The following BRSK2 variants were observed in gnomAD, a reference collection of about 807,000 sequenced individuals.
BRSK2 encodes the protein serine/threonine-protein kinase BRSK2.
In BRSK2, 19 loss-of-function variants were observed where a neutral mutation model predicts 83.3. The ratio of observed to expected loss-of-function variants is 0.23; its 90% CI spans 0.16 to 0.33. BRSK2 has a LOEUF of 0.33. Ranked by LOEUF, BRSK2 falls within the 10% of genes least tolerant of loss-of-function variation. BRSK2 has a pLI of 1.00. For missense variants in BRSK2, 798 were observed against 1,042.3 expected (o/e 0.77, Z 3.23); for synonymous variants, 519 against 435.4 (o/e 1.19, Z -2.39).
chr11:1,444,509 G>C (rs751500301), intron 8 of BRSK2, among the ~76,000 whole-genome samples: 2 of 152,016 alleles, frequency 1.3e-5, no homozygotes, highest in Non-Finnish European at 2.9e-5. Context: ...CTGCCCCGCC[G>C]CACAGGTGGG....
chr11:1,401,887 G>A (rs1323532899), intron 1 of BRSK2, among the ~76,000 whole-genome samples: 1 of 152,250 alleles, frequency 6.6e-6, no homozygotes, highest in Non-Finnish European at 1.5e-5. Flanking sequence ...GAAGCTATGT[G>A]AGGGCCGGTG....
intron 1 of BRSK2, among the ~76,000 whole-genome samples, chr11:1,398,397 CG>C (rs1236332171): frequency 6.6e-6 from 1 of 152,102 alleles, no homozygotes; most frequent in African/African-American, 2.4e-5. Context: ...TTATCTTGTG[CG>C]GACAGAGGTA....
chr11:1,433,334 C>T (rs565233613), intron 1 of BRSK2, among the ~76,000 whole-genome samples: 9 of 152,370 alleles, frequency 5.9e-5, no homozygotes, highest in African/African-American at 2.2e-4. Flanking sequence ...CCCCTGCACC[C>T]TCATGATGCC....
rs112478333 is a variant in BRSK2 at position 1,455,774 on chromosome 11, C to T, written c.1669-574C>T. Among the ~76,000 whole-genome samples the T allele has an allele frequency of 5.6e-3, 849 of 151,942 alleles. 6 individuals are homozygous for T. The highest frequency in any genetic ancestry group is 0.019 in the African/African-American group (782 of 41,450). On this transcript the variant is annotated intron_variant, in intron 16 of 19. Transcript: ENST00000528841. ...CCTCCCCATGCCGGCCCCAGTGAGGCGGCTGTGTGCCAGCCTGGGCCCTGT... is the reference window on the plus strand; with the variant it reads ...CCTCCCCATGCCGGCCCCAGTGAGGTGGCTGTGTGCCAGCCTGGGCCCTGT...
rs1205005169 is a variant in BRSK2, at chr11:1,440,710, C to T, written c.273-78C>T. 3.0e-5 allele frequency: 45 copies of T among 1,492,250 alleles called. No individual in the cohort carries two copies. In the East Asian group the frequency reaches 6.5e-4, roughly 21 times the overall value. 92.4% of individuals were successfully genotyped at this position (1,492,250 alleles called of 1,614,324 possible). On this transcript the variant is annotated intron_variant, in intron 3 of 19. Transcript: ENST00000528841. The stretch of plus-strand genomic sequence containing the variant: ...CCTGCAGAGAGGCTGGGCCAGGAGG[C>T]GGCTGTGGGAGGCCCTGGGATGAGG...
chr11:1,398,436 G>A (rs1308172010), intron 1 of BRSK2, among the ~76,000 whole-genome samples: 5 of 152,160 alleles, frequency 3.3e-5, no homozygotes, highest in Non-Finnish European at 5.9e-5. Flanking sequence ...CCCGGGAAGG[G>A]TGGTGGCCAG....
At chr11:1,449,257 C>T (rs1045018743) in intron 12 of BRSK2, among the ~76,000 whole-genome samples, 9 of 152,244 alleles carry the variant, frequency 5.9e-5, no homozygotes, top group Admixed American at 2.0e-4. Context: ...CCCAGCCTGG[C>T]CCTGCCCAGG....
Position 1,438,027 on chromosome 11 carries a change from A to G in BRSK2, c.187-279A>G, listed in dbSNP as rs142023829. Among the ~76,000 whole-genome samples the G allele has an allele frequency of 0.016, 2,373 of 148,738 alleles. 63 individuals are homozygous for G. The highest frequency in any genetic ancestry group is 0.047 in the African/African-American group (1,854 of 39,198). ...CCAGCTGAGCAGCCCACGTCCCTGC[A>G]TCCCCCACAGCTGGCACCAAAGGCC... is the stretch of plus-strand genomic sequence containing the variant. On this transcript the variant is annotated intron_variant, in intron 2 of 19. Coordinates refer to ENST00000528841, the MANE Select transcript of BRSK2 (RefSeq NM_001256627.2). The surrounding 1 kb of genome is among the most constrained non-coding windows in gnomAD (Gnocchi z 6.4).
intron 18 of BRSK2, 114 bp from the exon 19 acceptor site, chr11:1,459,078 C>G: frequency 2.4e-6 from 2 of 829,468 alleles, no homozygotes; most frequent in African/African-American, 1.8e-5. Flanking sequence ...GCCTCTGGGG[C>G]CCTACCCACT....
intron 1 of BRSK2, among the ~76,000 whole-genome samples, chr11:1,392,268 C>G (rs1239845926): frequency 6.6e-6 from 1 of 152,194 alleles, no homozygotes; most frequent in East Asian, 1.9e-4. Context: ...AGGAGACCTC[C>G]GTGGGAGAAC....
chr11:1,458,434 G>A (rs984154424), intron 18 of BRSK2, among the ~76,000 whole-genome samples: 2 of 152,066 alleles, frequency 1.3e-5, no homozygotes, highest in African/African-American at 4.8e-5. Context: ...CCGTGATCTC[G>A]CTACGCCCAG....
chr11:1,393,208 G>A (rs1018711953), intron 1 of BRSK2, among the ~76,000 whole-genome samples: 10 of 152,192 alleles, frequency 6.6e-5, no homozygotes, highest in Admixed American at 1.3e-4. Context: ...GCAGGTCCAG[G>A]AGGGTGTGTG....
chr11:1,442,666 G>A, intron 5 of BRSK2, 60 bp downstream of exon 5: 3 of 1,410,786 alleles, frequency 2.1e-6, no homozygotes. Flanking sequence ...GGGAAGAGGA[G>A]CCAGTGGACT....
Position 1,398,317 on chromosome 11 carries a change from G to A in BRSK2, c.91+7942G>A, listed in dbSNP as rs377707969. Among the ~76,000 whole-genome samples the A allele has an allele frequency of 3.7e-4, 56 of 152,298 alleles. 1 individual carries two copies. The highest frequency in any genetic ancestry group is 1.3e-3 in the African/African-American group (53 of 41,568). Reference sequence around the variant, plus strand: ...TAGCTGCTGCCTGAGCTGCCTGGTTGGGGCTGGCCTGGGCCCCTGATTGGC... The same window carrying A: ...TAGCTGCTGCCTGAGCTGCCTGGTTAGGGCTGGCCTGGGCCCCTGATTGGC... On this transcript the variant is annotated intron_variant, in intron 1 of 19. Coordinates refer to ENST00000528841, the MANE Select transcript of BRSK2 (RefSeq NM_001256627.2).
At chr11:1,413,925 C>T (rs1004389329) in intron 1 of BRSK2, among the ~76,000 whole-genome samples, 2 of 152,200 alleles carry the variant, frequency 1.3e-5, no homozygotes, top group African/African-American at 2.4e-5. Context: ...CCTTCTGCCC[C>T]GAGGAAAATG....
intron 18 of BRSK2, among the ~76,000 whole-genome samples, chr11:1,458,539 C>A (rs919921255): frequency 2.0e-5 from 3 of 152,200 alleles, no homozygotes; most frequent in African/African-American, 7.2e-5. Flanking sequence ...AGCAGGGGGC[C>A]TCCTCAGACA....
At chr11:1,449,669 C>G (rs1845561934) in intron 12 of BRSK2, 107 bp from the exon 13 acceptor site, 8 of 937,016 alleles carry the variant, frequency 8.5e-6, no homozygotes, top group East Asian at 2.7e-5. Flanking sequence ...GGCTCTTGGC[C>G]CGGGCTCCAG....
Position 1,436,152 on chromosome 11 carries a change from G to T in BRSK2, c.186+18G>T. The stretch of plus-strand genomic sequence containing the variant: ...TGATGAAGGTGGGTGGGGCCGGGGA[G>T]GGAGGCGGGGCCGGCGGTGGGGTGG... On this transcript the variant is annotated intron_variant, in intron 2 of 19. Transcript: ENST00000528841. 1.1e-6 allele frequency: 1 copy of T among 875,874 alleles called. No homozygotes were observed. Among genetic ancestry groups the T allele is most frequent in the South Asian group, 2.1e-5 (1 of 47,846 alleles). The allele number at this position is 875,874 out of a possible 1,614,324, so 54.3% of individuals were successfully genotyped here.
At chr11:1,414,295 A>G (rs1468824201) in intron 1 of BRSK2, among the ~76,000 whole-genome samples, 1 of 152,176 alleles carries the variant, frequency 6.6e-6, no homozygotes, top group East Asian at 1.9e-4. Context: ...TCCGCCTGGA[A>G]AGGTGTCTCC....
Sources: allele counts gnomAD v4.1 joint callset (sites outside exome capture counted in the v4.1 genomes callset), GRCh38; gene constraint gnomAD v4.1.1; non-coding constraint Gnocchi (gnomAD v3.1); transcripts MANE v1.5; gene names NCBI Gene and HGNC (gene_info 2026-07-23, HGNC 2026-07-21).